The following FOXP2 variants were observed in gnomAD, a reference collection of about 807,000 sequenced individuals.
The protein encoded by FOXP2 is forkhead box protein P2.
In FOXP2, 12 loss-of-function variants were observed where a neutral mutation model predicts 115.8. The observed-to-expected ratio is 0.10, with a 90% CI of 0.07 to 0.17. The LOEUF (loss-of-function observed/expected upper bound fraction) is 0.17, where lower values mean the gene tolerates loss of function less well. Among genes scored for constraint, FOXP2 ranks in the 10% least tolerant of loss-of-function variants. FOXP2 has a pLI of 1.00. For missense variants in FOXP2, 629 were observed against 843.5 expected, an observed-to-expected ratio of 0.75 and a Z score of 3.15; for synonymous variants, 328 against 297.7, an observed-to-expected ratio of 1.10 and a Z score of -1.05.
chr7:114,088,070 AT>A (rs1211541542), intron 1 of FOXP2: 2 of 152,256 alleles, frequency 1.3e-5, no homozygotes, highest in Non-Finnish European at 2.9e-5. Flanking sequence ...TAACCAACAG[AT>A]TTAAACCACT....
intron 1 of FOXP2, among the ~76,000 whole-genome samples, chr7:114,095,198 G>T (rs1475725804): frequency 6.6e-6 from 1 of 152,090 alleles, no homozygotes; most frequent in Non-Finnish European, 1.5e-5. Flanking sequence ...TATAACTATT[G>T]CATGATATTG....
intron 2 of FOXP2, among the ~76,000 whole-genome samples, chr7:114,364,178 G>A (rs1791820717): frequency 6.6e-6 from 1 of 152,114 alleles, no homozygotes; most frequent in Non-Finnish European, 1.5e-5. Context: ...CACATATATT[G>A]AAGGTTGGTG....
At chr7:114,137,954 AC>A (rs1792087002) in intron 1 of FOXP2, among the ~76,000 whole-genome samples, 1 of 152,202 alleles carries the variant, frequency 6.6e-6, no homozygotes, top group Admixed American at 6.5e-5. Flanking sequence ...TTGAAAAAAA[AC>A]AGGGATCCTT....
intron 2 of FOXP2, among the ~76,000 whole-genome samples, chr7:114,405,721 T>C (rs1331172218): frequency 1.3e-5 from 2 of 151,926 alleles, no homozygotes; most frequent in Admixed American, 6.6e-5. Context: ...AGGTTGCTAC[T>C]GTTATCTATG....
chr7:114,448,292 C>T (rs751944739), intron 2 of FOXP2, among the ~76,000 whole-genome samples: 70 of 151,954 alleles, frequency 4.6e-4, no homozygotes, highest in Non-Finnish European at 8.8e-4. Context: ...GGATTTCTTG[C>T]AAATCTGGTA....
chr7:114,684,053 G>C (rs910527873), intron 16 of FOXP2, among the ~76,000 whole-genome samples: 1 of 151,966 alleles, frequency 6.6e-6, no homozygotes, highest in African/African-American at 2.4e-5. Flanking sequence ...TTCTTTATGT[G>C]CTTTTTTTAG....
intron 2 of FOXP2, among the ~76,000 whole-genome samples, chr7:114,442,222 GC>G (rs1288919369): frequency 6.6e-6 from 1 of 152,078 alleles, no homozygotes; most frequent in Admixed American, 6.6e-5. Flanking sequence ...AGTGAGCCCA[GC>G]CAGATATTTT....
intron 1 of FOXP2, among the ~76,000 whole-genome samples, chr7:114,417,178 A>C (rs1171024310): frequency 6.6e-6 from 1 of 151,920 alleles, no homozygotes; most frequent in Non-Finnish European, 1.5e-5. Flanking sequence ...TGATAGAGAG[A>C]ATTGGCCCAA....
chr7:114,116,538 A>T (rs1296751362), intron 1 of FOXP2, among the ~76,000 whole-genome samples: 1 of 152,150 alleles, frequency 6.6e-6, no homozygotes. Flanking sequence ...AGGTATAAAG[A>T]CATTTAAAAT....
intron 3 of FOXP2, among the ~76,000 whole-genome samples, chr7:114,598,443 G>A (rs879394406): frequency 6.6e-6 from 1 of 152,094 alleles, no homozygotes; most frequent in Non-Finnish European, 1.5e-5. Flanking sequence ...TCAATGTTCT[G>A]ATAATTTTGC....
intron 2 of FOXP2, among the ~76,000 whole-genome samples, chr7:114,301,437 AAC>A (rs1324395718): frequency 6.6e-6 from 1 of 152,092 alleles, no homozygotes; most frequent in East Asian, 1.9e-4. Flanking sequence ...TCCACACGTT[AAC>A]AGTGTCTCAA....
chr7:114,600,838 TG>T (rs1802984551), intron 3 of FOXP2, among the ~76,000 whole-genome samples: 1 of 152,222 alleles, frequency 6.6e-6, no homozygotes, highest in Admixed American at 6.5e-5. Flanking sequence ...CAGTTTTAAT[TG>T]GGTTGTTATT....
chr7:114,189,633 A>G (rs754616599), intron 1 of FOXP2, among the ~76,000 whole-genome samples: 1 of 152,196 alleles, frequency 6.6e-6, no homozygotes, highest in Non-Finnish European at 1.5e-5. Flanking sequence ...TATGACTTAT[A>G]AAAATGAGAA....
intron 1 of FOXP2, among the ~76,000 whole-genome samples, chr7:114,273,600 A>G (rs1259227258): frequency 6.6e-6 from 1 of 151,972 alleles, no homozygotes; most frequent in Non-Finnish European, 1.5e-5. Flanking sequence ...CAATTTATCA[A>G]TTTCCACCCC....
chr7:114,442,160 T>A (rs1483442665), intron 2 of FOXP2, among the ~76,000 whole-genome samples: 3 of 152,198 alleles, frequency 2.0e-5, no homozygotes, highest in Non-Finnish European at 2.9e-5. Flanking sequence ...TAAAAAGGAA[T>A]GAAGCACTGA....
At chr7:114,480,475 T>C (rs1273645290) in intron 2 of FOXP2, among the ~76,000 whole-genome samples, 1 of 151,418 alleles carries the variant, frequency 6.6e-6, no homozygotes. Flanking sequence ...TTACTTATGA[T>C]ACATTTTAAA....
At chr7:114,252,644 T>G (rs1461395522) in intron 1 of FOXP2, among the ~76,000 whole-genome samples, 1 of 152,214 alleles carries the variant, frequency 6.6e-6, no homozygotes, top group East Asian at 1.9e-4. Flanking sequence ...TGATATCCCC[T>G]TTATCATTTT....
chr7:114,585,418 G>A (rs1026817840), intron 3 of FOXP2, among the ~76,000 whole-genome samples: 1 of 152,060 alleles, frequency 6.6e-6, no homozygotes, highest in Non-Finnish European at 1.5e-5. Context: ...TGTTCTATGG[G>A]CCAACCAAAT....
intron 2 of FOXP2, among the ~76,000 whole-genome samples, chr7:114,358,450 A>C (rs1791666634): frequency 6.6e-6 from 1 of 152,178 alleles, no homozygotes; most frequent in African/African-American, 2.4e-5. Context: ...TAACCAGCAG[A>C]GATTGGAACA....
Sources: allele counts gnomAD v4.1 joint callset (sites outside exome capture counted in the v4.1 genomes callset), GRCh38; gene constraint gnomAD v4.1.1; transcripts MANE v1.5; gene names NCBI Gene and HGNC (gene_info 2026-07-23, HGNC 2026-07-21).